Variants in CASP6 observed in about 807,000 individuals in gnomAD.
CASP6 encodes caspase-6.
In CASP6, 20 loss-of-function variants were observed where a neutral mutation model predicts 31.8. The ratio of observed to expected loss-of-function variants is 0.63; its 90% confidence interval spans 0.44 to 0.91. The LOEUF (loss-of-function observed/expected upper bound fraction) is 0.91. Among genes scored for constraint, CASP6 ranks in the 40% least tolerant of loss-of-function variants. The pLI is 0.00. For missense variants in CASP6, 328 were observed against 361.1 expected (o/e 0.91, Z 0.74); for synonymous variants, 130 against 127.8 (o/e 1.02, Z -0.12).
the CASP6 span, among the ~76,000 whole-genome samples, chr4:109,673,650 TA>T: frequency 6.6e-6 from 1 of 152,250 alleles, no homozygotes; most frequent in African/African-American, 2.4e-5. Context: ...TCAAAAAAGT[TA>T]TTTAAACTCC....
At chr4:109,684,895 CTG>C, downstream of CASP6, 3 of 416,534 alleles carry the variant, frequency 7.2e-6, no homozygotes, top group East Asian at 1.1e-4. Context: ...TATGTGTTCT[CTG>C]TGCCCTCATT....
At chr4:109,705,104 A>C (rs1168221599), upstream of CASP6, among the ~76,000 whole-genome samples, 3 of 152,252 alleles carry the variant, frequency 2.0e-5, no homozygotes, top group Middle Eastern at 3.2e-3. Context: ...CTGTCTTCAA[A>C]GCTTCAAAGA....
intron 1 of CASP6, among the ~76,000 whole-genome samples, chr4:109,702,223 A>C (rs1035621617): frequency 3.3e-5 from 5 of 152,154 alleles, no homozygotes; most frequent in South Asian, 2.1e-4. Context: ...CTCTACGACC[A>C]TGTGACTTTT....
chr4:109,667,869 T>C, the CASP6 span, among the ~76,000 whole-genome samples: 2 of 152,064 alleles, frequency 1.3e-5, no homozygotes, highest in South Asian at 4.1e-4. Context: ...TTTTAAAATA[T>C]TTTAATTTTT....
intron 1 of CASP6, chr4:109,702,944 T>G (rs1178856963): frequency 5.3e-6 from 1 of 188,984 alleles, no homozygotes; most frequent in African/African-American, 2.3e-5. Context: ...CTTTTCGAAG[T>G]GAGCAAACAA....
At chr4:109,677,729 G>A in the CASP6 span, among the ~76,000 whole-genome samples, 1 of 148,370 alleles carries the variant, frequency 6.7e-6, no homozygotes, top group Admixed American at 6.7e-5. Flanking sequence ...GAAGGCCCTT[G>A]TCAGATGCTG....
rs545171087 is a variant in CASP6 at position 109,694,090 on chromosome 4, G to C, written c.483+435C>G. Among the ~76,000 whole-genome samples the C allele has an allele frequency of 1.3e-3, 195 of 152,268 alleles. 1 individual carries two copies. Among genetic ancestry groups the C allele is most frequent in the Admixed American group, 3.3e-3 (50 of 15,292 alleles). ...AGCGGGGAAACAATCTTGGTTTAAGGGGCAATGTGAAAGGGATGAGACAGG... is the reference window on the plus strand; with the variant it reads ...AGCGGGGAAACAATCTTGGTTTAAGCGGCAATGTGAAAGGGATGAGACAGG... On this transcript the variant is annotated intron_variant, in intron 5 of 6. Coordinates refer to ENST00000265164, the MANE Select transcript of CASP6 (RefSeq NM_001226.4).
the CASP6 span, among the ~76,000 whole-genome samples, chr4:109,678,959 C>T: frequency 2.0e-5 from 3 of 150,674 alleles, no homozygotes; most frequent in Non-Finnish European, 4.4e-5. Flanking sequence ...CAGAGGCGCT[C>T]CTCACTTCCC....
intron 2 of CASP6, 131 bp downstream of exon 2, chr4:109,698,168 TC>T: frequency 1.1e-6 from 1 of 890,118 alleles, no homozygotes; most frequent in South Asian, 1.8e-5. Flanking sequence ...ACAAATGAGC[TC>T]CCCAAAGGCT....
intron 2 of CASP6, among the ~76,000 whole-genome samples, 181 bp from the exon 3 acceptor site, chr4:109,697,949 T>C (rs763731292): frequency 6.6e-6 from 1 of 152,170 alleles, no homozygotes; most frequent in Non-Finnish European, 1.5e-5. Flanking sequence ...TCTCTGCCAA[T>C]TGGTAAAGAG....
upstream of CASP6, among the ~76,000 whole-genome samples, chr4:109,707,387 A>ATTTT (rs570364377): frequency 2.0e-3 from 266 of 136,336 alleles, 1 homozygote; most frequent in African/African-American, 6.7e-3. Flanking sequence ...TAACTCCTGG[A>ATTTT]TTTTTTTTTT....
intron 1 of CASP6, among the ~76,000 whole-genome samples, chr4:109,699,543 T>C (rs576861742): frequency 6.6e-6 from 1 of 152,228 alleles, no homozygotes; most frequent in African/African-American, 2.4e-5. Flanking sequence ...TCAGTTTTGC[T>C]CAACCTTGGG....
At chr4:109,691,521 G>C (rs1397969387) in intron 5 of CASP6, among the ~76,000 whole-genome samples, 2 of 152,112 alleles carry the variant, frequency 1.3e-5, no homozygotes, top group African/African-American at 4.8e-5. Flanking sequence ...CCATTAAAAA[G>C]TGAGGTCTCA....
upstream of CASP6, among the ~76,000 whole-genome samples, chr4:109,708,002 T>C (rs1228617165): frequency 3.3e-5 from 5 of 152,206 alleles, no homozygotes; most frequent in South Asian, 6.2e-4. Context: ...TAAGCAACCT[T>C]AGAGTGGGAA....
Position 109,703,344 on chromosome 4 carries a change from C to T in CASP6, c.40+12G>A, listed in dbSNP as rs772341666. Reference sequence around the variant, plus strand: ...AGACCTGCTCGGTGCCCAGTCGACGCCCCCTGCCTACCTGCCGGGTGCCCC... The same window carrying T: ...AGACCTGCTCGGTGCCCAGTCGACGTCCCCTGCCTACCTGCCGGGTGCCCC... On this transcript the variant is annotated intron_variant, in intron 1 of 6. Transcript: ENST00000265164. 5 of 1,607,410 alleles carry T rather than the reference C, an allele frequency of 3.1e-6. No homozygotes were observed. Among genetic ancestry groups the T allele is most frequent in the South Asian group, 2.2e-5 (2 of 89,400 alleles).
At chr4:109,679,325 G>A in the CASP6 span, among the ~76,000 whole-genome samples, 1,016 of 152,326 alleles carry the variant, frequency 6.7e-3, 10 homozygotes, top group African/African-American at 0.023. Context: ...GTAGTGAGCC[G>A]AGATCACGCC....
the CASP6 span, chr4:109,673,843 A>G: frequency 6.6e-6 from 5 of 753,398 alleles, no homozygotes; most frequent in South Asian, 7.1e-5. Context: ...AGCAATCACT[A>G]TGTCAGCAGA....
the CASP6 span, among the ~76,000 whole-genome samples, chr4:109,677,058 A>G: frequency 6.6e-6 from 1 of 152,262 alleles, no homozygotes. Flanking sequence ...TGGGGGCAGG[A>G]CTGCCCAAGA....
chr4:109,666,716 C>T, the CASP6 span, among the ~76,000 whole-genome samples: 3 of 152,138 alleles, frequency 2.0e-5, no homozygotes, highest in African/African-American at 7.2e-5. Context: ...ATATTTTCTC[C>T]CAGGCTATGG....
Sources: allele counts gnomAD v4.1 joint callset (sites outside exome capture counted in the v4.1 genomes callset), GRCh38; gene constraint gnomAD v4.1.1; transcripts MANE v1.5; gene names NCBI Gene and HGNC (gene_info 2026-07-23, HGNC 2026-07-21).